Variants in MAST1 observed in about 807,000 individuals in gnomAD.
MAST1 encodes the protein microtubule associated serine/threonine kinase 1, also known as microtubule-associated serine/threonine-protein kinase 1.
A neutral mutation model predicts 124.6 loss-of-function variants in MAST1; 40 were observed. The observed-to-expected ratio is 0.32, with a 90% CI of 0.25 to 0.42. The LOEUF (loss-of-function observed/expected upper bound fraction) is 0.42, where lower values mean the gene tolerates loss of function less well. MAST1 is among the 10% of genes least tolerant of loss of function. The probability of loss-of-function intolerance (pLI) is 1.00; values close to 1 mark genes in which losing one functional copy is unlikely to be tolerated. For synonymous variants in MAST1, 938 were observed against 939.4 expected (o/e 1.00, Z 0.03); for missense variants, 1,558 against 2,181.9 (o/e 0.71, Z 5.70).
rs775165907 is a variant in MAST1, at chr19:12,874,821, C to G, written c.4664C>G (p.Ala1555Gly). Residue 1555 changes from alanine (A) to glycine (G), a missense_variant, in exon 26 of 26, where the codon GCA becomes GGA. Around this residue, in one of 10 missense-constraint regions of MAST1, gnomAD observed 168 missense variants for 154.3 expected, o/e 1.09. Coordinates refer to ENST00000251472, the MANE Select transcript of MAST1 (RefSeq NM_014975.3). The surrounding 1 kb of genome is among the most constrained non-coding windows in gnomAD (Gnocchi z 6.6). ...TGCCCTGCTGAAGCTGTGCCCCCAG[C>G]AGGCCTGACCAAAAAAGGAGTGTCC... Reference protein sequence around the residue: ...SRCPAEAVPPAGLTKKGVSSP... With the variant: ...SRCPAEAVPPGGLTKKGVSSP... 1.1e-5 allele frequency: 17 copies of G among 1,598,690 alleles called. No homozygotes were observed. In the Admixed American group the frequency reaches 1.2e-4, roughly 11 times the overall value.
Position 12,838,567 on chromosome 19 carries a change from C to T in MAST1, c.-6C>T. ...GCACCTGCCACCATGTCGCCGCCGC[C>T]GGGTCATGTCTGACTCTCTCTGGAC... On this transcript the variant is annotated 5_prime_UTR_variant, in exon 1 of 26. Coordinates refer to ENST00000251472, the MANE Select transcript of MAST1 (RefSeq NM_014975.3). The surrounding 1 kb of genome is among the most constrained non-coding windows in gnomAD (Gnocchi z 4.3). 4 of 1,518,644 alleles carry T rather than the reference C, an allele frequency of 2.6e-6. No individual in the cohort carries two copies. Among genetic ancestry groups the T allele is most frequent in the Non-Finnish European group, 3.5e-6 (4 of 1,130,774 alleles). The allele number at this position is 1,518,644 out of a possible 1,614,324, so 94.1% of individuals were successfully genotyped here.
rs374122572 is a variant in MAST1 at position 12,847,720 on chromosome 19, C to T, written c.564+33C>T. The T allele has an allele frequency of 4.4e-6, 7 of 1,608,944 alleles. No individual in the cohort carries two copies. Among genetic ancestry groups the T allele is most frequent in the Admixed American group, 3.3e-5 (2 of 59,846 alleles). On this transcript the variant is annotated intron_variant, in intron 6 of 25. Coordinates refer to ENST00000251472, the MANE Select transcript of MAST1 (RefSeq NM_014975.3). This position sits in a 1 kb window ranked among gnomAD's most constrained non-coding sequence, Gnocchi z 5.5. ...GGGACCCGAGGCGGTCACGGGGTGACCAGGCGGCCTGCACTCTCGCTCGCC... is the reference window on the plus strand; with the variant it reads ...GGGACCCGAGGCGGTCACGGGGTGATCAGGCGGCCTGCACTCTCGCTCGCC...
chr19:12,870,180 CAAAAAAAAAAAAA>C lies in MAST1; in HGVS notation c.3004-630_3004-618del, dbSNP rs35731863. On this transcript the variant is annotated intron_variant, in intron 22 of 25. Coordinates refer to ENST00000251472, the MANE Select transcript of MAST1 (RefSeq NM_014975.3). ...TGGGCGACAGAGCAAGACACCATCT[CAAAAAAAAAAAAA>C]AAAAAAAAAAAAATGGCCAGGCGCG... Among the ~76,000 whole-genome samples the C allele has an allele frequency of 9.8e-5, 3 of 30,612 alleles. No individual in the cohort carries two copies. The South Asian group carries it at 5.0e-3, about 51-fold the overall frequency. 20.1% of individuals were successfully genotyped at this position (30,612 alleles called of 152,430 possible).
rs959630409 is a variant in MAST1, at chr19:12,847,117, A to G, written c.328-173A>G. ...TCTCCACCCCTGTCTGTCCCTGTCCACCTGTCTGTGGCCAAGAGTCCCAGC... is the reference window on the plus strand; with the variant it reads ...TCTCCACCCCTGTCTGTCCCTGTCCGCCTGTCTGTGGCCAAGAGTCCCAGC... On this transcript the variant is annotated intron_variant, in intron 4 of 25. Transcript: ENST00000251472. The surrounding 1 kb of genome is among the most constrained non-coding windows in gnomAD (Gnocchi z 5.5). 6.7e-6 allele frequency: 4 copies of G among 599,976 alleles called. No individual in the cohort carries two copies. In the African/African-American group the frequency reaches 7.4e-5, roughly 11 times the overall value. 37.2% of individuals were successfully genotyped at this position (599,976 alleles called of 1,614,324 possible).
Position 12,867,896 on chromosome 19 carries a change from C to T in MAST1, c.2485C>T (p.Pro829Ser). ...CAGGCCTCCCCGGCCCAGCTCCGAC[C>T]CCGCGGGATCCCTGGATGCACGGGC... ...LRRPPRPSSD[P>S]AGSLDARAPK... Residue 829 changes from proline to serine, a missense_variant, in exon 20 of 26, where the codon CCC becomes TCC. Physicochemically the swap from Pro to Ser is moderately conservative, Grantham distance 74 (BLOSUM62 -1). This residue lies in a region of MAST1 where 287 missense variants were observed against 308.0 expected (regional missense o/e 0.93). Coordinates refer to ENST00000251472, the MANE Select transcript of MAST1 (RefSeq NM_014975.3). 6.2e-7 allele frequency: 1 copy of T among 1,604,774 alleles called. No individual in the cohort carries two copies.
intron 4 of MAST1, among the ~76,000 whole-genome samples, chr19:12,845,441 A>G (rs1395768397): frequency 7.0e-6 from 1 of 142,980 alleles, no homozygotes; most frequent in Non-Finnish European, 1.5e-5. Flanking sequence ...AAAATTAGCC[A>G]GGTGTGATGG....
chr19:12,872,087 A>G lies in MAST1; in HGVS notation c.3263+915A>G, dbSNP rs935484617. On this transcript the variant is annotated intron_variant, in intron 24 of 25. Transcript: ENST00000251472. ...AGATGTCCAGAGACGGAGGGGGTCC[A>G]GGAGATGGTCCTATCCTGTTAGATG... Among the ~76,000 whole-genome samples the G allele has an allele frequency of 1.3e-5, 2 of 152,156 alleles. 1 individual carries two copies. The highest frequency in any genetic ancestry group is 1.3e-4 in the Admixed American group (2 of 15,262).
rs755313643 is a variant in MAST1, at chr19:12,873,592, C to A, written c.3452-17C>A. On this transcript the variant is annotated splice_polypyrimidine_tract_variant and intron_variant, in intron 25 of 25. Transcript: ENST00000251472. ...GCTTGGGCTGTACTCACTCGCTTCA[C>A]CTCCTGTCTCCCGCAGGCGCCTCAT... 6.3e-7 allele frequency: 1 copy of A among 1,579,616 alleles called. No individual in the cohort carries two copies. Among genetic ancestry groups the A allele is most frequent in the South Asian group, 1.1e-5 (1 of 89,174 alleles).
At chr19:12,857,352 G>A (rs758754217) in intron 10 of MAST1, among the ~76,000 whole-genome samples, 1 of 151,990 alleles carries the variant, frequency 6.6e-6, no homozygotes, top group Admixed American at 6.6e-5. Flanking sequence ...CAGGTGATCC[G>A]CCCGCCTTGG....
At position 12,873,378 on chromosome 19, in the gene MAST1, T is replaced by A. The variant is rs910052333; in HGVS notation, c.3318T>A (p.His1106Gln). The change falls in exon 25 of 26, where the codon CAT becomes CAA. Residue 1106 changes from histidine (H) to glutamine (Q), a missense_variant. Transcript: ENST00000251472. ...RKITKQSNLLHTSRSLSSLNR... is the reference protein window; with the variant it reads ...RKITKQSNLLQTSRSLSSLNR... ...TCACGAAGCAGTCGAACCTGCTGCA[T>A]ACTAGCCGCTCGCTGTCGTCGCTGA... The A allele has an allele frequency of 1.2e-6, 2 of 1,614,082 alleles. No homozygotes were observed. Among genetic ancestry groups the A allele is most frequent in the South Asian group, 2.2e-5 (2 of 91,084 alleles).
chr19:12,870,738 G>A, intron 22 of MAST1, 86 bp from the exon 23 acceptor site: 1 of 1,386,252 alleles, frequency 7.2e-7, no homozygotes, highest in Non-Finnish European at 9.8e-7. Flanking sequence ...AATGCATGCA[G>A]AGCTAAGTGT....
Position 12,866,523 on chromosome 19 carries a change from C to T in MAST1, c.2030-130C>T, listed in dbSNP as rs1970156114. ...GGGAGCGGAGCCTAAATTAAATACA[C>T]TAATGAGGCAGGGGCGTGGCCTGAC... On this transcript the variant is annotated intron_variant, in intron 17 of 25. Transcript: ENST00000251472. The surrounding 1 kb of genome is among the most constrained non-coding windows in gnomAD (Gnocchi z 5.2). 26 of 649,504 alleles carry T rather than the reference C, an allele frequency of 4.0e-5. 1 individual carries two copies. In the East Asian group the frequency reaches 7.2e-4, roughly 18 times the overall value. The allele number at this position is 649,504 out of a possible 1,614,324, so 40.2% of individuals were successfully genotyped here. A position where few individuals can be genotyped will look rare whatever the true frequency, so the allele number is the denominator to read the frequency against.
chr19:12,855,270 T>C (rs1419918874), intron 10 of MAST1, among the ~76,000 whole-genome samples: 1 of 151,860 alleles, frequency 6.6e-6, no homozygotes, highest in Non-Finnish European at 1.5e-5. Flanking sequence ...AGAAGCAAAA[T>C]ATAAAAATTG....
chr19:12,863,071 C>G (rs1453145386), intron 12 of MAST1, among the ~76,000 whole-genome samples: 4 of 149,840 alleles, frequency 2.7e-5, no homozygotes, highest in African/African-American at 9.9e-5. Flanking sequence ...ATCTCTTGAA[C>G]CCGGGGGCGG....
At chr19:12,851,246 C>A (rs1311167799) in intron 7 of MAST1, among the ~76,000 whole-genome samples, 1 of 149,506 alleles carries the variant, frequency 6.7e-6, no homozygotes, top group Non-Finnish European at 1.5e-5. Flanking sequence ...CTGTGCCCGG[C>A]CTCTTTTTCT....
intron 7 of MAST1, among the ~76,000 whole-genome samples, chr19:12,851,496 T>C (rs551091926): frequency 1.3e-5 from 2 of 152,064 alleles, no homozygotes; most frequent in Non-Finnish European, 2.9e-5. Context: ...TTGTCATTGC[T>C]TTTGTTTTGA....
chr19:12,854,073 A>T (rs1969993553), intron 10 of MAST1, among the ~76,000 whole-genome samples: 1 of 150,670 alleles, frequency 6.6e-6, no homozygotes, highest in African/African-American at 2.4e-5. Context: ...AGTCCCTGGC[A>T]ACCACTAATC....
chr19:12,869,206 C>T lies in MAST1; in HGVS notation c.2914C>T (p.Arg972Cys), dbSNP rs1455160273. ...GCTCCGCTCCCCCATCACCATCCAGCGCTCGGGCAAGAAGTATGGCTTCAC... is the reference window on the plus strand; with the variant it reads ...GCTCCGCTCCCCCATCACCATCCAGTGCTCGGGCAAGAAGTATGGCTTCAC... ...SGLRSPITIQ[R>C]SGKKYGFTLR... Residue 972 changes from arginine to cysteine, a missense_variant, in exon 22 of 26, where the codon CGC becomes TGC. This residue lies in a region of MAST1 where 291 missense variants were observed against 475.8 expected (regional missense o/e 0.61). Coordinates refer to ENST00000251472, the MANE Select transcript of MAST1 (RefSeq NM_014975.3). 9 of 1,614,032 alleles carry T rather than the reference C, an allele frequency of 5.6e-6. No individual in the cohort carries two copies. Among genetic ancestry groups the T allele is most frequent in the Admixed American group, 1.7e-5 (1 of 59,998 alleles).
chr19:12,850,354 C>T (rs1969946224), intron 7 of MAST1, among the ~76,000 whole-genome samples: 1 of 152,056 alleles, frequency 6.6e-6, no homozygotes, highest in Non-Finnish European at 1.5e-5. Flanking sequence ...CCTGTCTCTA[C>T]AGTAAAACAA....
Sources: gnomAD v4.1 joint callset for allele counts (sites outside exome capture counted in the v4.1 genomes callset) on GRCh38, gnomAD v4.1.1 for gene constraint, gnomAD v4.1.1 regional missense constraint, Gnocchi (gnomAD v3.1) non-coding constraint, MANE v1.5 for transcripts, NCBI Gene and HGNC (gene_info 2026-07-23, HGNC 2026-07-21) for gene names.